EDARADD: variants seen among roughly 807,000 people sequenced by gnomAD.
EDARADD encodes the protein EDAR associated via death domain, also known as ectodysplasin-A receptor-associated adapter protein.
In EDARADD, 20 loss-of-function variants were observed where a neutral mutation model predicts 25.6. The observed-to-expected ratio is 0.78, with a 90% CI of 0.55 to 1.14. EDARADD has a LOEUF of 1.14. Among genes scored for constraint, EDARADD ranks in the 50% most tolerant of loss-of-function variants. The probability of loss-of-function intolerance (pLI) is 0.00; values close to 1 mark genes in which losing one functional copy is unlikely to be tolerated. For synonymous variants in EDARADD, 86 were observed against 94.4 expected, an observed-to-expected ratio of 0.91 and a Z score of 0.52; for missense variants, 225 against 270.1, an observed-to-expected ratio of 0.83 and a Z score of 1.17.
intron 2 of EDARADD, among the ~76,000 whole-genome samples, chr1:236,413,732 A>T (rs1657561447): frequency 6.6e-6 from 1 of 152,250 alleles, no homozygotes; most frequent in Non-Finnish European, 1.5e-5. Context: ...CAACTGATGC[A>T]TTGAGGAACT....
intron 3 of EDARADD, among the ~76,000 whole-genome samples, chr1:236,353,542 G>C (rs1371289263): frequency 6.6e-6 from 1 of 151,982 alleles, no homozygotes; most frequent in Non-Finnish European, 1.5e-5. Context: ...AGCCGGGCGT[G>C]GTGGTGGGCA....
At chr1:236,355,190 A>G (rs1435229348) in intron 3 of EDARADD, among the ~76,000 whole-genome samples, 1 of 152,234 alleles carries the variant, frequency 6.6e-6, no homozygotes, top group African/African-American at 2.4e-5. Flanking sequence ...CATTCAGTAT[A>G]TCTGAATTGA....
chr1:236,429,318 T>A (rs1325768001), intron 4 of EDARADD, among the ~76,000 whole-genome samples: 1 of 150,950 alleles, frequency 6.6e-6, no homozygotes, highest in African/African-American at 2.4e-5. Flanking sequence ...GAGATTCTCA[T>A]GCCTCAGCCT....
At chr1:236,405,927 C>CTT (rs1667725810) in intron 1 of EDARADD, among the ~76,000 whole-genome samples, 1 of 34,002 alleles carries the variant, frequency 2.9e-5, no homozygotes, top group Admixed American at 4.4e-4. Flanking sequence ...CTTTCTTTCT[C>CTT]TTTCCTTTTT....
intron 4 of EDARADD, among the ~76,000 whole-genome samples, chr1:236,455,978 A>G (rs1658850472): frequency 6.6e-6 from 1 of 152,078 alleles, no homozygotes; most frequent in African/African-American, 2.4e-5. Context: ...TTTAGTAGAG[A>G]TGGAGTTTCA....
intron 4 of EDARADD, among the ~76,000 whole-genome samples, chr1:236,464,648 C>A (rs1447648133): frequency 6.6e-6 from 1 of 151,766 alleles, no homozygotes; most frequent in Non-Finnish European, 1.5e-5. Context: ...GGCCAGGCTT[C>A]TCTCAAACTC....
At chr1:236,423,045 C>T (rs1571925465) in intron 3 of EDARADD, among the ~76,000 whole-genome samples, 6 of 152,314 alleles carry the variant, frequency 3.9e-5, no homozygotes, top group South Asian at 2.1e-4. Context: ...GGACAACTTT[C>T]AGCTATCGTG....
chr1:236,364,427 C>CA (rs1010110734), intron 3 of EDARADD, among the ~76,000 whole-genome samples: 65 of 151,780 alleles, frequency 4.3e-4, no homozygotes, highest in African/African-American at 1.3e-3. Context: ...TCAATTTCCA[C>CA]AAAAAAAACT....
rs1053649674 is a variant in EDARADD at position 236,483,545 on chromosome 1, G to T, written c.*896G>T. 2.6e-6 allele frequency: 3 copies of T among 1,153,476 alleles called. No homozygotes were observed. Among genetic ancestry groups the T allele is most frequent in the African/African-American group, 3.0e-5 (2 of 65,784 alleles). The allele number at this position is 1,153,476 out of a possible 1,614,324, so 71.5% of individuals were successfully genotyped here. On this transcript the variant is annotated 3_prime_UTR_variant, in exon 6 of 6. Transcript: ENST00000334232. ...GCAAAGCTAGTGCTGTTGAGAAGGG[G>T]GTTCCCCTGTACCACCACATCGCCG...
At chr1:236,353,046 A>G (rs1486114803) in intron 3 of EDARADD, among the ~76,000 whole-genome samples, 2 of 152,118 alleles carry the variant, frequency 1.3e-5, no homozygotes, top group Non-Finnish European at 2.9e-5. Flanking sequence ...ATCTAACAGT[A>G]ATAATGGTAC....
chr1:236,383,685 T>TTAA lies in EDARADD; in HGVS notation c.-5-25529_-5-25527dup, dbSNP rs570716269. On this transcript the variant is annotated intron_variant, in intron 3 of 7. Coordinates refer to the EDARADD transcript ENST00000439430. ...CTGGATTTTTTTTCTACCTCTGATA[T>TTAA]TAATCTGCAACTTATTTGGTCATTT... 3.3e-5 allele frequency among the ~76,000 whole-genome samples: 5 copies of TTAA among 152,290 alleles called. No individual in the cohort carries two copies. In the South Asian group the frequency reaches 6.2e-4, roughly 19 times the overall value.
chr1:236,363,609 G>T (rs1430507490), intron 3 of EDARADD, among the ~76,000 whole-genome samples: 1 of 151,656 alleles, frequency 6.6e-6, no homozygotes, highest in Non-Finnish European at 1.5e-5. Flanking sequence ...ATAAGACGGG[G>T]TCTTGAACTC....
intron 4 of EDARADD, among the ~76,000 whole-genome samples, chr1:236,429,072 T>C (rs12381005): frequency 0.45 from 67,960 of 151,188 alleles, 17,459 homozygotes; most frequent in Non-Finnish European, 0.59. Flanking sequence ...TTGCAGTGAG[T>C]CGAGATGGCA....
At chr1:236,472,856 T>C (rs1231217697) in intron 5 of EDARADD, among the ~76,000 whole-genome samples, 4 of 152,154 alleles carry the variant, frequency 2.6e-5, no homozygotes, top group Admixed American at 6.5e-5. Flanking sequence ...TGGGGTTAGC[T>C]GCTGCTAAAG....
chr1:236,379,759 G>A (rs941272457), intron 3 of EDARADD, among the ~76,000 whole-genome samples: 20 of 152,054 alleles, frequency 1.3e-4, no homozygotes, highest in Non-Finnish European at 2.5e-4. Flanking sequence ...CAGCCTGGGC[G>A]ACAGAGTGAG....
At chr1:236,442,704 A>G (rs1455623386) in intron 4 of EDARADD, among the ~76,000 whole-genome samples, 1 of 152,250 alleles carries the variant, frequency 6.6e-6, no homozygotes, top group Non-Finnish European at 1.5e-5. Flanking sequence ...TTTTAAGCCC[A>G]CTGTTAAGAC....
At chr1:236,412,909 C>T (rs1657535667) in intron 2 of EDARADD, among the ~76,000 whole-genome samples, 1 of 152,240 alleles carries the variant, frequency 6.6e-6, no homozygotes, top group South Asian at 2.1e-4. Flanking sequence ...TGCTCCGTTG[C>T]TCAGGCTGGA....
At chr1:236,425,210 C>A (rs532749421) in intron 3 of EDARADD, among the ~76,000 whole-genome samples, 1 of 152,196 alleles carries the variant, frequency 6.6e-6, no homozygotes, top group Non-Finnish European at 1.5e-5. Flanking sequence ...CAGCTGGGTG[C>A]GCTCGCCAGG....
intron 4 of EDARADD, among the ~76,000 whole-genome samples, chr1:236,445,457 A>C (rs1201285553): frequency 2.0e-5 from 3 of 151,948 alleles, no homozygotes; most frequent in African/African-American, 7.3e-5. Context: ...TGAACATCTG[A>C]CCTTAGGTGA....
Sources: allele counts gnomAD v4.1 joint callset (sites outside exome capture counted in the v4.1 genomes callset), GRCh38; gene constraint gnomAD v4.1.1; transcripts MANE v1.5; gene names NCBI Gene and HGNC (gene_info 2026-07-23, HGNC 2026-07-21).